The following SOS1 variants were observed in gnomAD, a reference collection of about 807,000 sequenced individuals.
SOS1 encodes SOS Ras/Rac guanine nucleotide exchange factor 1.
Under a neutral mutation model 157.6 loss-of-function variants are expected in SOS1, and 25 were observed. The ratio of observed to expected loss-of-function variants is 0.16; its 90% CI spans 0.12 to 0.22. The LOEUF (loss-of-function observed/expected upper bound fraction) is 0.22. SOS1 is among the 10% of genes least tolerant of loss of function. The pLI is 1.00. For synonymous variants in SOS1, 528 were observed against 534.0 expected, an observed-to-expected ratio of 0.99 and a Z score of 0.16; for missense variants, 1,237 against 1,599.1, an observed-to-expected ratio of 0.77 and a Z score of 3.86.
chr2:39,075,528 G>A (rs1296344005), intron 1 of SOS1, among the ~76,000 whole-genome samples: 4 of 151,688 alleles, frequency 2.6e-5, no homozygotes, highest in African/African-American at 7.3e-5. Flanking sequence ...TGAAAGTCAC[G>A]TGTGGTGGTT....
chr2:39,053,168 G>C (rs192934801), intron 5 of SOS1, among the ~76,000 whole-genome samples: 192 of 152,146 alleles, frequency 1.3e-3, no homozygotes, highest in Admixed American at 3.6e-3. Flanking sequence ...AAAAAAAAGA[G>C]AGAGAACCAC....
At chr2:39,066,300 A>G (rs770735504) in intron 2 of SOS1, among the ~76,000 whole-genome samples, 1 of 152,222 alleles carries the variant, frequency 6.6e-6, no homozygotes, top group African/African-American at 2.4e-5. Context: ...AACACCATTC[A>G]GTCCAACTAT....
chr2:39,066,303 C>G (rs956584663), intron 2 of SOS1, among the ~76,000 whole-genome samples: 13 of 152,198 alleles, frequency 8.5e-5, no homozygotes, highest in Non-Finnish European at 1.6e-4. Context: ...ACCATTCAGT[C>G]CAACTATCTT....
intron 1 of SOS1, among the ~76,000 whole-genome samples, chr2:39,084,525 GGAAA>G (rs900196379): frequency 4.6e-5 from 7 of 151,642 alleles, no homozygotes; most frequent in African/African-American, 1.7e-4. Context: ...AGAAAAAGGG[GGAAA>G]GAATGAATCA....
At chr2:39,076,211 G>A (rs1671992206) in intron 1 of SOS1, among the ~76,000 whole-genome samples, 1 of 152,056 alleles carries the variant, frequency 6.6e-6, no homozygotes, top group African/African-American at 2.4e-5. Flanking sequence ...ACCAGTCTGG[G>A]TAACAAGGCA....
At chr2:39,119,910 G>A (rs1673801220) in intron 1 of SOS1, among the ~76,000 whole-genome samples, 1 of 152,126 alleles carries the variant, frequency 6.6e-6, no homozygotes, top group Non-Finnish European at 1.5e-5. Flanking sequence ...CTTTGAGCAA[G>A]CCTTACGGCC....
rs146594563 is a variant in SOS1, at chr2:39,027,720, A to G, written c.1075-3583T>C. Among the ~76,000 whole-genome samples the G allele has an allele frequency of 2.3e-3, 358 of 152,354 alleles. 1 individual carries two copies. Among genetic ancestry groups the G allele is most frequent in the African/African-American group, 8.2e-3 (340 of 41,580 alleles). Reference sequence around the variant, plus strand: ...ATAATAATGTGCAATAGTAACAATTACATTTGTACAAAGGCAGTTTATTTG... The same window carrying G: ...ATAATAATGTGCAATAGTAACAATTGCATTTGTACAAAGGCAGTTTATTTG... On this transcript the variant is annotated intron_variant, in intron 8 of 22. Coordinates refer to ENST00000402219, the MANE Select transcript of SOS1 (RefSeq NM_005633.4).
At position 39,009,363 on chromosome 2, in the gene SOS1, C is replaced by A. The variant is rs561663879; in HGVS notation, c.2510+1221G>T. 2.0e-3 allele frequency among the ~76,000 whole-genome samples: 312 copies of A among 152,272 alleles called. 3 individuals carry two copies. The highest frequency in any genetic ancestry group is 6.9e-3 in the African/African-American group (286 of 41,542). On this transcript the variant is annotated intron_variant, in intron 15 of 22. Coordinates refer to ENST00000402219, the MANE Select transcript of SOS1 (RefSeq NM_005633.4). ...TGAGAGAATTTGTTGCTAGCCCACC[C>A]TCCAGAAGAAATACTAAAGGAAGTT...
chr2:39,082,180 C>T (rs148527201), intron 1 of SOS1, among the ~76,000 whole-genome samples: 1 of 152,212 alleles, frequency 6.6e-6, no homozygotes, highest in East Asian at 1.9e-4. Flanking sequence ...AGTAGCCATC[C>T]CCACATCCCC....
rs1668435497 is a variant in SOS1, at chr2:38,982,560, TA to T, written c.*3263del. The T allele has an allele frequency of 1.3e-5, 2 of 152,274 alleles. No homozygotes were observed. The highest frequency in any genetic ancestry group is 4.1e-4 in the South Asian group (2 of 4,820). The allele number at this position is 152,274 out of a possible 1,614,324, so 9.4% of individuals were successfully genotyped here. A position where few individuals can be genotyped will look rare whatever the true frequency, so the allele number is the denominator to read the frequency against. On this transcript the variant is annotated 3_prime_UTR_variant, in exon 23 of 23. Transcript: ENST00000402219. ...AGTCACACAATATATGTTAAAAGAA[TA>T]AGTAAACCTATTCACAGCAGCAGAA...
At position 39,051,271 on chromosome 2, in the gene SOS1, A is replaced by T. The variant is rs760204614; in HGVS notation, c.737T>A (p.Phe246Tyr). The change falls in exon 6 of 23, where the codon TTT becomes TAT. Residue 246 changes from phenylalanine to tyrosine, a missense_variant. Transcript: ENST00000402219. ...TTCATGTATATCTACTATGCGACTA[A>T]ATATATTTTCTACATCCTGTTTGGG... is the stretch of plus-strand genomic sequence containing the variant. ...LFSANDVENI[F>Y]SRIVDIHELS... The T allele has an allele frequency of 6.2e-7, 1 of 1,611,542 alleles. No individual in the cohort carries two copies. The highest frequency in any genetic ancestry group is 8.5e-7 in the Non-Finnish European group (1 of 1,177,800).
chr2:39,051,085 T>A, intron 6 of SOS1, 59 bp downstream of exon 6: 2 of 1,508,248 alleles, frequency 1.3e-6, no homozygotes, highest in Non-Finnish European at 1.8e-6. Flanking sequence ...AGACTCTCAA[T>A]TTTAATGTAA....
intron 1 of SOS1, among the ~76,000 whole-genome samples, chr2:39,119,668 G>A (rs937253524): frequency 6.6e-6 from 1 of 152,292 alleles, no homozygotes; most frequent in South Asian, 2.1e-4. Flanking sequence ...TGTAACTTCA[G>A]GTAACAATGT....
chr2:39,035,637 T>C (rs1670315549), intron 6 of SOS1, 137 bp from the exon 7 acceptor site: 1 of 668,474 alleles, frequency 1.5e-6, no homozygotes, highest in Non-Finnish European at 2.7e-6. Flanking sequence ...TGACTACTAA[T>C]TATAATTTTA....
intron 6 of SOS1, 53 bp downstream of exon 6, chr2:39,051,091 T>C (rs964138694): frequency 1.3e-4 from 200 of 1,543,874 alleles, no homozygotes; most frequent in Non-Finnish European, 1.7e-4. Context: ...TCAATTTTAA[T>C]GTAAATGTAG....
In SOS1 at chr2:39,112,270, C is replaced by T. The variant is rs542138554; in HGVS notation, c.87+8066G>A. On this transcript the variant is annotated intron_variant, in intron 1 of 22. Transcript: ENST00000402219. ...GCGCTATTGGAGGAAAATCTCACAA[C>T]CACCAGATCAACCCTACTCTGAGTT... Among the ~76,000 whole-genome samples the T allele has an allele frequency of 1.8e-3, 268 of 152,312 alleles. 8 individuals are homozygous for T. In the South Asian group the frequency reaches 0.054, roughly 31 times the overall value.
intron 8 of SOS1, among the ~76,000 whole-genome samples, chr2:39,032,736 C>A (rs932342447): frequency 9.9e-5 from 15 of 152,078 alleles, no homozygotes; most frequent in Non-Finnish European, 1.5e-5. Context: ...CTGAGGTGGG[C>A]GGATCACCTG....
At chr2:39,073,290 G>A (rs1222158459) in intron 1 of SOS1, among the ~76,000 whole-genome samples, 3 of 152,040 alleles carry the variant, frequency 2.0e-5, no homozygotes, top group African/African-American at 4.8e-5. Context: ...AAACTATGTG[G>A]GTTTTCCCGG....
chr2:39,008,656 CA>C (rs1199460134), intron 15 of SOS1, among the ~76,000 whole-genome samples: 1 of 152,154 alleles, frequency 6.6e-6, no homozygotes, highest in East Asian at 1.9e-4. Context: ...ACCATTCCTT[CA>C]AAGGAGCCAC....
Sources: allele counts gnomAD v4.1 joint callset (sites outside exome capture counted in the v4.1 genomes callset), GRCh38; gene constraint gnomAD v4.1.1; transcripts MANE v1.5; gene names NCBI Gene and HGNC (gene_info 2026-07-23, HGNC 2026-07-21).